Variants in RADX observed in about 807,000 individuals in gnomAD.
The protein encoded by RADX is RPA-related protein RADX.
In RADX, 36 loss-of-function variants were observed where a neutral mutation model predicts 61.6. That is an observed-to-expected ratio of 0.58 (90% CI 0.45 to 0.77). The LOEUF (loss-of-function observed/expected upper bound fraction) is 0.77, where lower values mean the gene tolerates loss of function less well. RADX is among the 30% of genes least tolerant of loss of function. RADX has a pLI of 0.00. For synonymous variants in RADX, 272 were observed against 237.9 expected, an observed-to-expected ratio of 1.14 and a Z score of -1.32; for missense variants, 497 against 651.1, an observed-to-expected ratio of 0.76 and a Z score of 2.58.
At chrX:106,677,349 T>C (rs1928535740) in intron 13 of RADX, among the ~76,000 whole-genome samples, 1 of 111,734 alleles carries the variant, frequency 8.9e-6, no homozygotes, top group Non-Finnish European at 1.9e-5. Flanking sequence ...TTTATTTCTT[T>C]ATTAATTTTT....
At chrX:106,663,717 A>T (rs2147639408) in intron 12 of RADX, among the ~76,000 whole-genome samples, 1 of 111,770 alleles carries the variant, frequency 8.9e-6, no homozygotes, top group African/African-American at 3.2e-5. Context: ...TGCCTATATC[A>T]AAATATCTCA....
In RADX at chrX:106,637,840, G is replaced by A. The variant is rs2147622668; in HGVS notation, c.1489G>A (p.Glu497Lys). Residue 497 changes from glutamate (E) to lysine (K), a missense_variant, in exon 8 of 14, where the codon GAA becomes AAA. Coordinates refer to ENST00000372548, the MANE Select transcript of RADX (RefSeq NM_018015.6). ...GATTAGAACAAAGTCTGATTCCGGG[G>A]AACAGAAGAATATGGTTATTGGTGG... is the stretch of plus-strand genomic sequence containing the variant. ...QWIRTKSDSG[E>K]QKNMVIGGYY... 2 of 1,206,004 alleles carry A rather than the reference G, an allele frequency of 1.7e-6. No homozygotes were observed. The highest frequency in any genetic ancestry group is 2.2e-6 in the Non-Finnish European group (2 of 890,696).
At position 106,633,238 on chromosome X, in the gene RADX, A is replaced by C; in HGVS notation, c.1289A>C (p.Glu430Ala). ...LFSTSQPEIF[E>A]NIYPMAYFVC... is the part of the protein sequence containing the mutation. ...TCAACATCGCAGCCAGAAATCTTTGAAAATATTTACCCAAGTAAGCGATTT... is the reference window on the plus strand; with the variant it reads ...TCAACATCGCAGCCAGAAATCTTTGCAAATATTTACCCAAGTAAGCGATTT... The change falls in exon 6 of 14, where the codon GAA becomes GCA. Residue 430 changes from glutamate (E) to alanine (A), a missense_variant. By Grantham distance (107) the Glu-to-Ala change is moderately radical (BLOSUM62 -1). This residue lies in a region of RADX where 196 missense variants were observed against 315.0 expected (regional missense o/e 0.62). Coordinates refer to ENST00000372548, the MANE Select transcript of RADX (RefSeq NM_018015.6). The C allele has an allele frequency of 8.3e-7, 1 of 1,202,174 alleles. No individual in the cohort carries two copies. Among genetic ancestry groups the C allele is most frequent in the Non-Finnish European group, 1.1e-6 (1 of 888,955 alleles).
chrX:106,633,444 A>G (rs967415769), intron 6 of RADX, among the ~76,000 whole-genome samples, 192 bp downstream of exon 6: 1 of 111,523 alleles, frequency 9.0e-6, no homozygotes, highest in African/African-American at 3.3e-5. Flanking sequence ...TTGTCTGTTC[A>G]GAATTAACTT....
At chrX:106,622,851 C>T in intron 2 of RADX, 58 bp downstream of exon 2, 1 of 671,028 alleles carries the variant, frequency 1.5e-6, no homozygotes, top group Admixed American at 4.0e-5. Context: ...AGCTTACACA[C>T]CTCACTCCAT....
chrX:106,634,994 C>A (rs1308502676), intron 6 of RADX, among the ~76,000 whole-genome samples: 2 of 111,800 alleles, frequency 1.8e-5, no homozygotes, highest in African/African-American at 6.5e-5. Flanking sequence ...TAGTTGACAA[C>A]AGTCACAATT....
intron 10 of RADX, among the ~76,000 whole-genome samples, chrX:106,645,743 G>A (rs1927642462): frequency 1.8e-5 from 2 of 111,548 alleles, no homozygotes; most frequent in African/African-American, 6.5e-5. Flanking sequence ...TGGATTACAT[G>A]TTCTGTAAAT....
intron 5 of RADX, 47 bp downstream of exon 5, chrX:106,633,070 T>G (rs1453050137): frequency 8.6e-7 from 1 of 1,166,517 alleles, no homozygotes; most frequent in African/African-American, 1.8e-5. Flanking sequence ...CAGTGAATAA[T>G]TTTGTGTTCA....
chrX:106,621,397 A>G (rs1378223073), intron 1 of RADX, among the ~76,000 whole-genome samples: 2 of 111,993 alleles, frequency 1.8e-5, no homozygotes, highest in African/African-American at 6.5e-5. Flanking sequence ...CAAAGCTAGA[A>G]ATGAAGGGAC....
intron 11 of RADX, among the ~76,000 whole-genome samples, chrX:106,653,968 G>T (rs1927864555): frequency 8.9e-6 from 1 of 111,877 alleles, no homozygotes; most frequent in African/African-American, 3.3e-5. Context: ...CCAAGTCTTT[G>T]CTATTGTGAA....
In RADX at chrX:106,640,565, C is replaced by T; in HGVS notation, c.1748C>T (p.Pro583Leu). Residue 583 changes from proline (P) to leucine (L), a missense_variant, in exon 10 of 14, where the codon CCC (proline) becomes CTC (leucine). This residue lies in a region of RADX where 267 missense variants were observed against 306.9 expected (regional missense o/e 0.87). Transcript: ENST00000372548. ...TATTGGTTTTAGAATGCTAACAGAC[C>T]CTCGACCTCTCAAGCAGCTAGAGTA... ...ASETLRNANR[P>L]STSQAARVEI... 2.5e-6 allele frequency: 3 copies of T among 1,185,279 alleles called. No individual in the cohort carries two copies. The highest frequency in any genetic ancestry group is 1.8e-5 in the African/African-American group (1 of 56,395).
chrX:106,634,957 A>T (rs2147621203), intron 6 of RADX, among the ~76,000 whole-genome samples: 1 of 112,080 alleles, frequency 8.9e-6, no homozygotes, highest in South Asian at 3.7e-4. Flanking sequence ...GTATATTCGG[A>T]TCTTGGTGAG....
chrX:106,640,627 G>A lies in RADX; in HGVS notation c.1810G>A (p.Asp604Asn). 2.5e-6 allele frequency: 3 copies of A among 1,195,043 alleles called. No homozygotes were observed. Among genetic ancestry groups the A allele is most frequent in the Non-Finnish European group, 3.4e-6 (3 of 881,784 alleles). ...QERNGKRHQD[D>N]EPVNSQYFQT... ...AAGAAATGGTAAACGGCATCAAGAT[G>A]ATGAGCCTGTGAATTCTCAGTATTT... Residue 604 changes from aspartate (D) to asparagine (N), a missense_variant, in exon 10 of 14, where the codon GAT (aspartate) becomes AAT (asparagine). Physicochemically the swap from Asp to Asn is conservative, Grantham distance 23. Transcript: ENST00000372548.
Position 106,661,919 on chromosome X carries a change from C to T in RADX, c.1979-96C>T, listed in dbSNP as rs1225519557. The T allele has an allele frequency of 5.6e-6, 4 of 720,509 alleles. No homozygotes were observed. In the Admixed American group the frequency reaches 9.8e-5, roughly 18 times the overall value. The allele number at this position is 720,509 out of a possible 1,213,427, so 59.4% of individuals were successfully genotyped here. A position where few individuals can be genotyped will look rare whatever the true frequency, so the allele number is the denominator to read the frequency against. Reference sequence around the variant, plus strand: ...GGTTTGATTTTTAATGTTACTTAAACTCTTCCTCATTAATGTGTGGTTTTT... The same window carrying T: ...GGTTTGATTTTTAATGTTACTTAAATTCTTCCTCATTAATGTGTGGTTTTT... On this transcript the variant is annotated intron_variant, in intron 11 of 13. Coordinates refer to ENST00000372548, the MANE Select transcript of RADX (RefSeq NM_018015.6).
chrX:106,632,608 A>T lies in RADX; in HGVS notation c.980-17A>T. 3 of 1,046,309 alleles carry T rather than the reference A, an allele frequency of 2.9e-6. No individual in the cohort carries two copies. Among genetic ancestry groups the T allele is most frequent in the Non-Finnish European group, 4.0e-6 (3 of 754,309 alleles). 86.2% of individuals were successfully genotyped at this position (1,046,309 alleles called of 1,213,427 possible). A position where few individuals can be genotyped will look rare whatever the true frequency, so the allele number is the denominator to read the frequency against. On this transcript the variant is annotated splice_polypyrimidine_tract_variant and intron_variant, in intron 3 of 13. Coordinates refer to ENST00000372548, the MANE Select transcript of RADX (RefSeq NM_018015.6). Reference sequence around the variant, plus strand: ...GTGTATTAAATAGCATATTAAAGTAATATATTTATTTTTCAGAAATCTGCC... The same window carrying T: ...GTGTATTAAATAGCATATTAAAGTATTATATTTATTTTTCAGAAATCTGCC...
intron 11 of RADX, among the ~76,000 whole-genome samples, chrX:106,652,983 C>CA (rs35694143): frequency 0.18 from 9,608 of 54,874 alleles, 594 homozygotes; most frequent in East Asian, 0.35. Flanking sequence ...GAGATTCTGT[C>CA]AAAAAAAAAA....
At chrX:106,613,714 A>G (rs2147607354) in intron 1 of RADX, among the ~76,000 whole-genome samples, 1 of 112,006 alleles carries the variant, frequency 8.9e-6, no homozygotes, top group African/African-American at 3.2e-5. Context: ...TAAGGAAAAA[A>G]GATGTTATAG....
chrX:106,612,238 T>C lies in RADX; in HGVS notation c.158T>C (p.Ile53Thr), dbSNP rs927179757. The change falls in exon 1 of 14, where the codon ATT (isoleucine) becomes ACT (threonine). Residue 53 changes from isoleucine (I) to threonine (T), a missense_variant. Physicochemically the swap from Ile to Thr is moderately conservative, Grantham distance 89. Coordinates refer to ENST00000372548, the MANE Select transcript of RADX (RefSeq NM_018015.6). Reference protein sequence around the residue: ...RSWIQKVLEQIMDSPRQCVTP... With the variant: ...RSWIQKVLEQTMDSPRQCVTP... Reference sequence around the variant, plus strand: ...TGGATCCAAAAGGTTCTTGAGCAGATTATGGACTCACCTCGCCAGTGTGTC... The same window carrying C: ...TGGATCCAAAAGGTTCTTGAGCAGACTATGGACTCACCTCGCCAGTGTGTC... The C allele has an allele frequency of 1.8e-5, 22 of 1,211,220 alleles. No homozygotes were observed. The highest frequency in any genetic ancestry group is 2.5e-5 in the Non-Finnish European group (22 of 895,373).
At chrX:106,670,278 A>G (rs1237957392) in intron 13 of RADX, among the ~76,000 whole-genome samples, 1 of 111,150 alleles carries the variant, frequency 9.0e-6, no homozygotes, top group African/African-American at 3.3e-5. Context: ...CAGTAATTTC[A>G]CATTTCTTAA....
Sources: gnomAD v4.1 joint callset for allele counts (sites outside exome capture counted in the v4.1 genomes callset) on GRCh38, gnomAD v4.1.1 for gene constraint, gnomAD v4.1.1 regional missense constraint, MANE v1.5 for transcripts, NCBI Gene and HGNC (gene_info 2026-07-23, HGNC 2026-07-21) for gene names.